BMERB1: variants seen among roughly 807,000 people sequenced by gnomAD.
The protein encoded by BMERB1 is bMERB domain containing 1.
BMERB1 carries 12 observed loss-of-function variants against 23.6 expected under a neutral mutation model. The ratio of observed to expected loss-of-function variants is 0.51; its 90% confidence interval spans 0.33 to 0.82. The LOEUF is 0.82. Ranked by LOEUF, BMERB1 falls within the 40% of genes least tolerant of loss-of-function variation. BMERB1 has a pLI of 0.03. For synonymous variants in BMERB1, 122 were observed against 96.6 expected, an observed-to-expected ratio of 1.26 and a Z score of -1.54; for missense variants, 247 against 255.4, an observed-to-expected ratio of 0.97 and a Z score of 0.22.
chr16:15,539,066 A>G (rs2052054484), intron 2 of BMERB1, among the ~76,000 whole-genome samples: 1 of 152,182 alleles, frequency 6.6e-6, no homozygotes, highest in Admixed American at 6.5e-5. Flanking sequence ...TATTTCTATC[A>G]TTATTACTTT....
chr16:15,571,644 C>G (rs2030730225), intron 3 of BMERB1, among the ~76,000 whole-genome samples: 1 of 152,114 alleles, frequency 6.6e-6, no homozygotes, highest in South Asian at 2.1e-4. Flanking sequence ...TGTGAGCCAC[C>G]ACACCCAGCC....
chr16:15,490,973 G>C (rs189886837), intron 1 of BMERB1, among the ~76,000 whole-genome samples: 5 of 152,272 alleles, frequency 3.3e-5, no homozygotes, highest in African/African-American at 1.2e-4. Flanking sequence ...AGCCTCCCGA[G>C]TAGCTGGGAC....
intron 1 of BMERB1, among the ~76,000 whole-genome samples, chr16:15,479,008 G>C (rs986895779): frequency 3.9e-5 from 6 of 152,252 alleles, no homozygotes; most frequent in East Asian, 1.9e-4. Flanking sequence ...TTTTTTGTTT[G>C]CGTAGAACAT....
chr16:15,586,980 G>A lies in BMERB1; in HGVS notation c.*151G>A, dbSNP rs1252442627. 20 of 612,882 alleles carry A rather than the reference G, an allele frequency of 3.3e-5. No individual in the cohort carries two copies. Among genetic ancestry groups the A allele is most frequent in the East Asian group, 1.7e-4 (6 of 36,156 alleles). The allele number at this position is 612,882 out of a possible 1,614,324, so 38.0% of individuals were successfully genotyped here. A position where few individuals can be genotyped will look rare whatever the true frequency, so the allele number is the denominator to read the frequency against. ...ACCAGAGGCCATGGGCACGGCAGGC[G>A]GGCCTGGCCACCCTGTACAGAGTGT... On this transcript the variant is annotated 3_prime_UTR_variant, in exon 6 of 6. Transcript: ENST00000300006.
chr16:15,566,320 T>A (rs1296340487), intron 2 of BMERB1, among the ~76,000 whole-genome samples: 1 of 152,176 alleles, frequency 6.6e-6, no homozygotes, highest in Middle Eastern at 3.2e-3. Flanking sequence ...GGCCACACTG[T>A]TGGTAATGTC....
At chr16:15,519,051 C>T (rs1180875126) in intron 2 of BMERB1, among the ~76,000 whole-genome samples, 1 of 145,986 alleles carries the variant, frequency 6.8e-6, no homozygotes, top group African/African-American at 2.6e-5. Context: ...TTTCTCACTC[C>T]ATCCTTACCC....
At chr16:15,555,312 G>A (rs797000700) in intron 2 of BMERB1, among the ~76,000 whole-genome samples, 2 of 152,156 alleles carry the variant, frequency 1.3e-5, no homozygotes, top group African/African-American at 4.8e-5. Flanking sequence ...GGACTCTATC[G>A]ATCCTCCCAT....
intron 1 of BMERB1, among the ~76,000 whole-genome samples, chr16:15,509,725 A>T (rs772735628): frequency 6.6e-6 from 1 of 151,984 alleles, no homozygotes; most frequent in Non-Finnish European, 1.5e-5. Context: ...CAGGATCTCA[A>T]GCCCCTGGAG....
chr16:15,580,954 T>C (rs942365607), intron 3 of BMERB1, among the ~76,000 whole-genome samples: 2 of 151,934 alleles, frequency 1.3e-5, no homozygotes, highest in Non-Finnish European at 2.9e-5. Context: ...TGGAGTGCAG[T>C]GGCGCAGTCT....
intron 1 of BMERB1, among the ~76,000 whole-genome samples, chr16:15,512,381 T>C (rs1273933058): frequency 6.6e-6 from 1 of 152,142 alleles, no homozygotes; most frequent in East Asian, 1.9e-4. Flanking sequence ...CACAGCGCCC[T>C]AAACCCTGTG....
chr16:15,579,362 C>T (rs986382123), intron 3 of BMERB1, among the ~76,000 whole-genome samples: 1 of 152,122 alleles, frequency 6.6e-6, no homozygotes, highest in African/African-American at 2.4e-5. Context: ...GCAGTGACAC[C>T]ATCATCCAAT....
intron 2 of BMERB1, among the ~76,000 whole-genome samples, chr16:15,517,851 ATGTG>A (rs373868958): frequency 2.6e-5 from 2 of 78,284 alleles, no homozygotes; most frequent in African/African-American, 3.5e-5. Flanking sequence ...TGTATTGTGG[ATGTG>A]TGTGTGTGGA....
rs1293668937 is a variant in BMERB1 at position 15,587,054 on chromosome 16, G to A, written c.*225G>A. 1.2e-5 allele frequency: 6 copies of A among 519,702 alleles called. No homozygotes were observed. The highest frequency in any genetic ancestry group is 2.0e-5 in the Non-Finnish European group (6 of 294,976). 32.2% of individuals were successfully genotyped at this position (519,702 alleles called of 1,614,324 possible). A position where few individuals can be genotyped will look rare whatever the true frequency, so the allele number is the denominator to read the frequency against. On this transcript the variant is annotated 3_prime_UTR_variant, in exon 6 of 6. Coordinates refer to ENST00000300006, the MANE Select transcript of BMERB1 (RefSeq NM_033201.3). ...CGCATGGTCCTCCCCAGAGCATGCC[G>A]AACCCAGGAGTCTGTCTCACTGTTT...
chr16:15,441,502 C>T (rs1025267603), intron 1 of BMERB1, among the ~76,000 whole-genome samples: 1 of 152,088 alleles, frequency 6.6e-6, no homozygotes, highest in Non-Finnish European at 1.5e-5. Context: ...TTCTGCCTCC[C>T]AAGTAGCTGG....
At chr16:15,447,791 G>T in intron 1 of BMERB1, 1 of 449,196 alleles carries the variant, frequency 2.2e-6, no homozygotes, top group Non-Finnish European at 4.5e-6. Flanking sequence ...AGATAAAAAG[G>T]ATGGTTAAGC....
At chr16:15,471,835 C>A (rs150067069) in intron 1 of BMERB1, among the ~76,000 whole-genome samples, 38 of 152,268 alleles carry the variant, frequency 2.5e-4, no homozygotes, top group African/African-American at 8.7e-4. Context: ...ACCTCAGCCT[C>A]CCAAAGTGCT....
At chr16:15,494,877 CTTTTTTTTTT>C (rs754135430) in intron 1 of BMERB1, among the ~76,000 whole-genome samples, 84 of 95,168 alleles carry the variant, frequency 8.8e-4, no homozygotes, top group African/African-American at 3.1e-3. Context: ...TTTTTTTTAT[CTTTTTTTTTT>C]TTTTTTTTTT....
At chr16:15,494,175 C>A (rs2051450396) in intron 1 of BMERB1, among the ~76,000 whole-genome samples, 1 of 151,980 alleles carries the variant, frequency 6.6e-6, no homozygotes. Context: ...ACAGAAGTGC[C>A]GAAAAAGATT....
intron 2 of BMERB1, among the ~76,000 whole-genome samples, chr16:15,529,125 C>T (rs1462330202): frequency 5.3e-5 from 8 of 152,036 alleles, no homozygotes; most frequent in South Asian, 2.1e-4. Flanking sequence ...CCCAGGTTCA[C>T]GCCATTCTCC....
Sources: allele counts gnomAD v4.1 joint callset (sites outside exome capture counted in the v4.1 genomes callset), GRCh38; gene constraint gnomAD v4.1.1; transcripts MANE v1.5; gene names NCBI Gene and HGNC (gene_info 2026-07-23, HGNC 2026-07-21).